Variants in ZFYVE9 observed in about 807,000 individuals in gnomAD.
ZFYVE9 encodes the protein zinc finger FYVE domain-containing protein 9.
A neutral mutation model predicts 126.7 loss-of-function variants in ZFYVE9; 43 were observed. That is an observed-to-expected ratio of 0.34 (90% confidence interval 0.27 to 0.44). The LOEUF is 0.44. Ranked by LOEUF, ZFYVE9 falls within the 20% of genes least tolerant of loss-of-function variation. ZFYVE9 has a pLI of 1.00. For missense variants in ZFYVE9, 1,476 were observed against 1,697.0 expected (o/e 0.87, Z 2.29); for synonymous variants, 521 against 597.4 (o/e 0.87, Z 1.87).
chr1:52,240,650 C>T (rs1480156205), intron 4 of ZFYVE9, among the ~76,000 whole-genome samples: 1 of 152,132 alleles, frequency 6.6e-6, no homozygotes, highest in Non-Finnish European at 1.5e-5. Context: ...TGGAAGTTCT[C>T]TCGGTCTTCC....
intron 1 of ZFYVE9, among the ~76,000 whole-genome samples, chr1:52,206,210 A>G (rs767084488): frequency 3.9e-5 from 6 of 152,204 alleles, no homozygotes; most frequent in African/African-American, 7.2e-5. Flanking sequence ...AATTCATTCA[A>G]CTTAGATCAG....
At chr1:52,146,783 G>T (rs888767678) in intron 1 of ZFYVE9, among the ~76,000 whole-genome samples, 19 of 152,200 alleles carry the variant, frequency 1.2e-4, no homozygotes, top group Admixed American at 6.5e-5. Flanking sequence ...GCTAAATTAA[G>T]GAGGAACCAA....
intron 4 of ZFYVE9, among the ~76,000 whole-genome samples, chr1:52,240,151 T>A (rs528228350): frequency 6.6e-6 from 1 of 152,110 alleles, no homozygotes; most frequent in Non-Finnish European, 1.5e-5. Flanking sequence ...CAAAGTAGAG[T>A]TGAAGTCTGT....
chr1:52,265,384 A>G lies in ZFYVE9; in HGVS notation c.2279-1271A>G, dbSNP rs537054394. Among the ~76,000 whole-genome samples, 29 of 152,240 alleles carry G rather than the reference A, an allele frequency of 1.9e-4. 1 individual carries two copies. The highest frequency in any genetic ancestry group is 6.7e-4 in the African/African-American group (28 of 41,548). Reference sequence around the variant, plus strand: ...GGAGGCAATAAATATTCAAAATCCTATGGATCATTCTTTGATGTTGAAAGA... The same window carrying G: ...GGAGGCAATAAATATTCAAAATCCTGTGGATCATTCTTTGATGTTGAAAGA... On this transcript the variant is annotated intron_variant, in intron 5 of 18. Coordinates refer to ENST00000287727, the MANE Select transcript of ZFYVE9 (RefSeq NM_004799.4).
At chr1:52,338,941 C>T (rs1028728560) in intron 16 of ZFYVE9, among the ~76,000 whole-genome samples, 2 of 151,956 alleles carry the variant, frequency 1.3e-5, no homozygotes, top group Admixed American at 6.6e-5. Context: ...AATCGGGAGG[C>T]GGAGGTTTCG....
intron 14 of ZFYVE9, 46 bp from the exon 15 acceptor site, chr1:52,334,642 C>G (rs765922500): frequency 2.5e-6 from 4 of 1,578,862 alleles, no homozygotes; most frequent in African/African-American, 1.3e-5. Flanking sequence ...TTCAATCCCT[C>G]CAGCTTAGGG....
At chr1:52,191,806 C>A (rs1055379181) in intron 1 of ZFYVE9, among the ~76,000 whole-genome samples, 2 of 152,060 alleles carry the variant, frequency 1.3e-5, no homozygotes, top group African/African-American at 4.8e-5. Flanking sequence ...TGGAAAGAAA[C>A]CAGTCTAGCG....
intron 4 of ZFYVE9, chr1:52,254,141 T>G: frequency 1.4e-6 from 1 of 718,724 alleles, no homozygotes; most frequent in East Asian, 2.6e-5. Context: ...ATTTCCTAGA[T>G]GTACAACTAT....
Position 52,346,253 on chromosome 1 carries a change from C to A in ZFYVE9, c.*32C>A. On this transcript the variant is annotated 3_prime_UTR_variant, in exon 19 of 19. Coordinates refer to ENST00000287727, the MANE Select transcript of ZFYVE9 (RefSeq NM_004799.4). ...AAGACTTCATTTTTTTCTGTTCAGA[C>A]TTGTTGCAACAGCAGTCATACCCAA... 1 of 1,520,388 alleles carries A rather than the reference C, an allele frequency of 6.6e-7. No individual in the cohort carries two copies. Among genetic ancestry groups the A allele is most frequent in the Non-Finnish European group, 8.9e-7 (1 of 1,125,700 alleles). 94.2% of individuals were successfully genotyped at this position (1,520,388 alleles called of 1,614,324 possible).
rs1175606668 is a variant in ZFYVE9, at chr1:52,182,032, G to A, written c.-142-34337G>A. ...AGCCCACCGCCCGGCCAGCCGCCCC[G>A]TCCGGGAGGGAGGCGAGGGGGTCAG... On this transcript the variant is annotated intron_variant, in intron 1 of 18. Transcript: ENST00000287727. Among the ~76,000 whole-genome samples, 5 of 151,260 alleles carry A rather than the reference G, an allele frequency of 3.3e-5. No homozygotes were observed. In the East Asian group the frequency reaches 7.8e-4, roughly 24 times the overall value.
chr1:52,154,015 TAA>T (rs1644379376), intron 1 of ZFYVE9, among the ~76,000 whole-genome samples: 5 of 152,366 alleles, frequency 3.3e-5, no homozygotes, highest in Middle Eastern at 3.4e-3. Context: ...CAATACTCTC[TAA>T]GACTGGTCCT....
At chr1:52,159,337 C>T (rs1327222109) in intron 1 of ZFYVE9, among the ~76,000 whole-genome samples, 9 of 152,096 alleles carry the variant, frequency 5.9e-5, no homozygotes, top group African/African-American at 2.4e-5. Flanking sequence ...TTTCTGGTAC[C>T]AGCTGTGCCA....
intron 4 of ZFYVE9, among the ~76,000 whole-genome samples, chr1:52,245,353 G>T (rs1490764256): frequency 6.6e-6 from 1 of 152,080 alleles, no homozygotes; most frequent in African/African-American, 2.4e-5. Flanking sequence ...GAAATGAACA[G>T]TTACAAAGCT....
At chr1:52,305,098 A>G (rs1407735749) in intron 13 of ZFYVE9, among the ~76,000 whole-genome samples, 1 of 152,230 alleles carries the variant, frequency 6.6e-6, no homozygotes, top group Non-Finnish European at 1.5e-5. Context: ...TTTCACAAAC[A>G]TGTATTAAAT....
chr1:52,342,307 C>A (rs1218042234), intron 17 of ZFYVE9, among the ~76,000 whole-genome samples: 1 of 150,570 alleles, frequency 6.6e-6, no homozygotes, highest in Non-Finnish European at 1.5e-5. Flanking sequence ...GCTCTGTCGC[C>A]CAGACGGCAG....
At chr1:52,170,371 A>C (rs1010326202) in intron 1 of ZFYVE9, among the ~76,000 whole-genome samples, 19 of 152,010 alleles carry the variant, frequency 1.2e-4, no homozygotes, top group African/African-American at 4.6e-4. Context: ...AGTCTGGCTA[A>C]AGGTTTGTCA....
intron 1 of ZFYVE9, among the ~76,000 whole-genome samples, chr1:52,185,455 G>T (rs751634122): frequency 2.2e-4 from 34 of 152,264 alleles, no homozygotes; most frequent in Admixed American, 3.3e-4. Flanking sequence ...AAATGTTATT[G>T]AGGAATGTCT....
At chr1:52,288,154 A>G (rs570908628) in intron 10 of ZFYVE9, among the ~76,000 whole-genome samples, 50 of 152,344 alleles carry the variant, frequency 3.3e-4, no homozygotes, top group African/African-American at 1.2e-3. Flanking sequence ...CTATTTACAC[A>G]TGAGGAAAAT....
chr1:52,292,052 A>G (rs1186873436), intron 10 of ZFYVE9, among the ~76,000 whole-genome samples: 1 of 152,036 alleles, frequency 6.6e-6, no homozygotes, highest in Non-Finnish European at 1.5e-5. Context: ...GCCAAGGCAG[A>G]TGGATCATTT....
Sources: allele counts gnomAD v4.1 joint callset (sites outside exome capture counted in the v4.1 genomes callset), GRCh38; gene constraint gnomAD v4.1.1; transcripts MANE v1.5; gene names NCBI Gene and HGNC (gene_info 2026-07-23, HGNC 2026-07-21).